The following GTF2F2 variants were observed in gnomAD, a reference collection of about 807,000 sequenced individuals.
GTF2F2 encodes general transcription factor IIF subunit 2, also known as ATP-dependent helicase GTF2F2.
Under a neutral mutation model 42.2 loss-of-function variants are expected in GTF2F2, and 23 were observed. That is an observed-to-expected ratio of 0.55 (90% CI 0.39 to 0.77). The LOEUF (loss-of-function observed/expected upper bound fraction) is 0.77, where lower values mean the gene tolerates loss of function less well. GTF2F2 is among the 30% of genes least tolerant of loss of function. GTF2F2 has a pLI of 0.00. For synonymous variants in GTF2F2, 105 were observed against 100.8 expected, an observed-to-expected ratio of 1.04 and a Z score of -0.25; for missense variants, 261 against 287.2, an observed-to-expected ratio of 0.91 and a Z score of 0.66.
chr13:45,248,535 G>C (rs1341152721), intron 5 of GTF2F2, among the ~76,000 whole-genome samples: 3 of 151,836 alleles, frequency 2.0e-5, no homozygotes, highest in African/African-American at 7.3e-5. Flanking sequence ...GTGCAATGGC[G>C]CGATCTCAGC....
rs570708368 is a variant in GTF2F2, at chr13:45,147,554, C to T, written c.141-2216C>T. ...TTGGGGGCCAATCTTTGCCATATCT[C>T]TGATTCTTGTAAGAGAAGCTGGAAA... On this transcript the variant is annotated intron_variant, in intron 2 of 7. Transcript: ENST00000340473. 3.9e-5 allele frequency among the ~76,000 whole-genome samples: 6 copies of T among 152,306 alleles called. No individual in the cohort carries two copies. In the South Asian group the frequency reaches 1.2e-3, roughly 32 times the overall value.
intron 5 of GTF2F2, among the ~76,000 whole-genome samples, chr13:45,226,452 A>G (rs1593502118): frequency 6.6e-6 from 1 of 152,158 alleles, no homozygotes; most frequent in Non-Finnish European, 1.5e-5. Flanking sequence ...TATACATCAT[A>G]GGGTCTGTTT....
chr13:45,194,921 G>A (rs117420002), intron 4 of GTF2F2, among the ~76,000 whole-genome samples: 2,081 of 152,308 alleles, frequency 0.014, 32 homozygotes, highest in Non-Finnish European at 0.021. Context: ...TCATCCAAAT[G>A]TGAATGTTTA....
At chr13:45,156,373 A>G (rs1223828339) in intron 4 of GTF2F2, among the ~76,000 whole-genome samples, 1 of 152,068 alleles carries the variant, frequency 6.6e-6, no homozygotes, top group African/African-American at 2.4e-5. Context: ...AAAGATAGTG[A>G]GGATAAATTC....
chr13:45,126,994 G>A (rs968298001), intron 1 of GTF2F2, among the ~76,000 whole-genome samples: 7 of 152,138 alleles, frequency 4.6e-5, no homozygotes, highest in Non-Finnish European at 1.0e-4. Context: ...CAGATACATC[G>A]TAAGTGATAT....
intron 7 of GTF2F2, among the ~76,000 whole-genome samples, chr13:45,270,942 G>A (rs553013396): frequency 3.9e-5 from 6 of 152,236 alleles, no homozygotes; most frequent in South Asian, 4.1e-4. Flanking sequence ...ATCTAACAGC[G>A]TTCATTTACC....
At position 45,189,279 on chromosome 13, in the gene GTF2F2, A is replaced by G. The variant is rs554868265; in HGVS notation, c.305-18145A>G. ...TAATATTCCATCATGTATATGTGCC[A>G]CATTTTCTTTATCCAATCTGTTATG... On this transcript the variant is annotated intron_variant, in intron 4 of 7. Coordinates refer to ENST00000340473, the MANE Select transcript of GTF2F2 (RefSeq NM_004128.3). 2.0e-5 allele frequency among the ~76,000 whole-genome samples: 3 copies of G among 152,238 alleles called. No homozygotes were observed. The South Asian group carries it at 6.2e-4, about 32-fold the overall frequency.
Position 45,233,995 on chromosome 13 carries a change from A to G in GTF2F2, c.387-18876A>G, listed in dbSNP as rs1046907456. On this transcript the variant is annotated intron_variant, in intron 5 of 7. Coordinates refer to ENST00000340473, the MANE Select transcript of GTF2F2 (RefSeq NM_004128.3). ...TTTATGTTTTCCTACTGGTGAATCAACCTCATCGTCTCCCACTATAAAGAT... is the reference window on the plus strand; with the variant it reads ...TTTATGTTTTCCTACTGGTGAATCAGCCTCATCGTCTCCCACTATAAAGAT... 5.3e-5 allele frequency among the ~76,000 whole-genome samples: 8 copies of G among 152,312 alleles called. 1 individual carries two copies. In the South Asian group the frequency reaches 1.0e-3, roughly 20 times the overall value.
intron 7 of GTF2F2, among the ~76,000 whole-genome samples, chr13:45,278,779 A>G (rs1456317419): frequency 1.2e-5 from 1 of 84,268 alleles, no homozygotes; most frequent in African/African-American, 4.7e-5. Flanking sequence ...CCTCTGTTAT[A>G]TTTTCTGATT....
intron 6 of GTF2F2, among the ~76,000 whole-genome samples, chr13:45,263,489 A>T (rs1876432528): frequency 6.6e-6 from 1 of 152,062 alleles, no homozygotes; most frequent in Non-Finnish European, 1.5e-5. Context: ...CGGCCTCCCA[A>T]AGTGCTGGGA....
At chr13:45,126,452 A>G (rs770161554) in intron 1 of GTF2F2, among the ~76,000 whole-genome samples, 6 of 151,998 alleles carry the variant, frequency 3.9e-5, no homozygotes, top group Admixed American at 6.6e-5. Flanking sequence ...GGGTTTCACC[A>G]TGTTAGCCAG....
intron 4 of GTF2F2, among the ~76,000 whole-genome samples, chr13:45,178,887 G>T (rs1872013434): frequency 6.6e-6 from 1 of 152,170 alleles, no homozygotes; most frequent in Non-Finnish European, 1.5e-5. Flanking sequence ...CAGCTGGGGG[G>T]TTGGCTAGGG....
chr13:45,185,505 G>A (rs547456052), intron 4 of GTF2F2, among the ~76,000 whole-genome samples: 49 of 152,190 alleles, frequency 3.2e-4, no homozygotes, highest in Admixed American at 8.5e-4. Flanking sequence ...TTTAGTTTTC[G>A]TTTTGTTGTT....
intron 5 of GTF2F2, among the ~76,000 whole-genome samples, chr13:45,231,248 C>A (rs113302130): frequency 6.6e-6 from 1 of 152,118 alleles, no homozygotes. Flanking sequence ...GCTGGGACTA[C>A]AGGCGTATGC....
intron 2 of GTF2F2, among the ~76,000 whole-genome samples, chr13:45,145,231 G>T (rs765069702): frequency 2.0e-4 from 30 of 152,212 alleles, no homozygotes; most frequent in Non-Finnish European, 1.2e-4. Flanking sequence ...GTGATGGAAA[G>T]ATTAATATAT....
chr13:45,198,036 A>C (rs1457738348), intron 4 of GTF2F2, among the ~76,000 whole-genome samples: 1 of 152,254 alleles, frequency 6.6e-6, no homozygotes, highest in Non-Finnish European at 1.5e-5. Context: ...TTAACTCTTT[A>C]TTAGAGTTAG....
intron 4 of GTF2F2, among the ~76,000 whole-genome samples, chr13:45,185,170 A>C (rs933004458): frequency 3.3e-5 from 5 of 152,154 alleles, no homozygotes; most frequent in Non-Finnish European, 5.9e-5. Flanking sequence ...GTATACCTAA[A>C]AATGTTGTAT....
At chr13:45,125,621 C>G (rs1461446430) in intron 1 of GTF2F2, among the ~76,000 whole-genome samples, 1 of 152,110 alleles carries the variant, frequency 6.6e-6, no homozygotes, top group Non-Finnish European at 1.5e-5. Flanking sequence ...TGTGCCCAGC[C>G]CCCTTTGTGT....
chr13:45,186,301 T>G (rs931424021), intron 4 of GTF2F2, among the ~76,000 whole-genome samples: 1 of 149,684 alleles, frequency 6.7e-6, no homozygotes, highest in Non-Finnish European at 1.5e-5. Flanking sequence ...TAATTTTAAT[T>G]TTTTTTTTGA....
Sources: gnomAD v4.1 joint callset for allele counts (sites outside exome capture counted in the v4.1 genomes callset) on GRCh38, gnomAD v4.1.1 for gene constraint, MANE v1.5 for transcripts, NCBI Gene and HGNC (gene_info 2026-07-23, HGNC 2026-07-21) for gene names.